The following OSTN variants were observed in gnomAD, a reference collection of about 807,000 sequenced individuals.
The protein encoded by OSTN is osteocrin.
A neutral mutation model predicts 12.0 loss-of-function variants in OSTN; 9 were observed. That is an observed-to-expected ratio of 0.75 (90% CI 0.45 to 1.30). The LOEUF is 1.30. Ranked by LOEUF, OSTN falls within the 50% of genes most tolerant of loss-of-function variation. The probability of loss-of-function intolerance (pLI) is 0.00; values close to 1 mark genes in which losing one functional copy is unlikely to be tolerated. For missense variants in OSTN, 148 were observed against 152.3 expected (o/e 0.97, Z 0.15); for synonymous variants, 59 against 56.9 (o/e 1.04, Z -0.16).
chr3:191,211,517 C>A (rs1162991560), intron 1 of OSTN, among the ~76,000 whole-genome samples: 1 of 152,124 alleles, frequency 6.6e-6, no homozygotes, highest in Non-Finnish European at 1.5e-5. Context: ...TATACACATA[C>A]CTAGAAGTGA....
At chr3:191,202,878 A>G (rs1714182244) in intron 1 of OSTN, among the ~76,000 whole-genome samples, 1 of 152,170 alleles carries the variant, frequency 6.6e-6, no homozygotes, top group Non-Finnish European at 1.5e-5. Context: ...TTATATACTA[A>G]TGTTATTTTC....
intron 2 of OSTN, among the ~76,000 whole-genome samples, chr3:191,217,518 A>C (rs1282708074): frequency 6.6e-6 from 1 of 152,194 alleles, no homozygotes; most frequent in East Asian, 1.9e-4. Context: ...TATTCTCACG[A>C]TCTTAGAAAA....
intron 3 of OSTN, among the ~76,000 whole-genome samples, chr3:191,233,004 C>T (rs898750895): frequency 6.6e-6 from 1 of 152,100 alleles, no homozygotes; most frequent in Admixed American, 6.5e-5. Flanking sequence ...TATATTGCTC[C>T]ATAATCCCAG....
intron 4 of OSTN, among the ~76,000 whole-genome samples, chr3:191,252,071 G>T (rs537245236): frequency 1.9e-4 from 29 of 151,420 alleles, no homozygotes; most frequent in East Asian, 1.9e-4. Flanking sequence ...TTTTTTTTTG[G>T]TTTTTTTGAG....
At chr3:191,204,428 A>C (rs945881309) in intron 1 of OSTN, among the ~76,000 whole-genome samples, 7 of 152,208 alleles carry the variant, frequency 4.6e-5, no homozygotes, top group African/African-American at 1.7e-4. Flanking sequence ...AGCCACTAGC[A>C]ATTTTCAATT....
At chr3:191,203,406 T>C (rs1385398502) in intron 1 of OSTN, among the ~76,000 whole-genome samples, 1 of 152,208 alleles carries the variant, frequency 6.6e-6, no homozygotes, top group African/African-American at 2.4e-5. Context: ...CATTGTAGGT[T>C]TCTGGCTTCT....
chr3:191,251,912 C>T (rs1715569548), intron 4 of OSTN, among the ~76,000 whole-genome samples: 1 of 152,194 alleles, frequency 6.6e-6, no homozygotes, highest in Admixed American at 6.5e-5. Context: ...GTTCTGAGAA[C>T]ATTATGACAG....
At chr3:191,250,015 T>C (rs1366341748) in intron 3 of OSTN, 22 bp from the exon 4 acceptor site, 4 of 1,574,160 alleles carry the variant, frequency 2.5e-6, no homozygotes, top group Non-Finnish European at 1.7e-6. Context: ...AGTTTAAAAA[T>C]GTCCTCCTTG....
At chr3:191,225,922 G>T (rs1051102589) in intron 3 of OSTN, among the ~76,000 whole-genome samples, 1 of 151,886 alleles carries the variant, frequency 6.6e-6, no homozygotes, top group Non-Finnish European at 1.5e-5. Flanking sequence ...CCCCAGCATC[G>T]CCCAATAAAC....
intron 4 of OSTN, among the ~76,000 whole-genome samples, chr3:191,260,282 T>C (rs936683653): frequency 1.3e-4 from 19 of 151,882 alleles, no homozygotes; most frequent in Non-Finnish European, 2.8e-4. Context: ...GGGTTTCCAG[T>C]GGTGTACTTA....
intron 3 of OSTN, among the ~76,000 whole-genome samples, chr3:191,223,756 AG>A (rs1714831647): frequency 1.3e-5 from 2 of 152,118 alleles, no homozygotes; most frequent in Admixed American, 6.5e-5. Flanking sequence ...TATGAAAAAA[AG>A]CACGATAAAA....
chr3:191,226,690 TAGATC>T (rs938542149), intron 3 of OSTN, among the ~76,000 whole-genome samples: 3 of 152,164 alleles, frequency 2.0e-5, no homozygotes, highest in Non-Finnish European at 2.9e-5. Context: ...TGCCCATAGA[TAGATC>T]AGAAGAGAAA....
At chr3:191,237,665 T>C (rs139659153) in intron 3 of OSTN, among the ~76,000 whole-genome samples, 1 of 152,330 alleles carries the variant, frequency 6.6e-6, no homozygotes, top group Non-Finnish European at 1.5e-5. Flanking sequence ...AGCGCATGCT[T>C]GAGCAAACTC....
intron 3 of OSTN, among the ~76,000 whole-genome samples, chr3:191,232,121 A>G (rs1576931816): frequency 6.6e-6 from 1 of 152,080 alleles, no homozygotes; most frequent in East Asian, 1.9e-4. Flanking sequence ...ACCTGAGGTT[A>G]GGAGTTCGTG....
intron 3 of OSTN, among the ~76,000 whole-genome samples, chr3:191,242,613 G>A (rs1481151912): frequency 2.0e-5 from 3 of 151,784 alleles, no homozygotes; most frequent in African/African-American, 7.3e-5. Context: ...CAATCTGATC[G>A]GAACTCCTGG....
chr3:191,201,220 C>T (rs532643897), intron 1 of OSTN, among the ~76,000 whole-genome samples: 5 of 152,194 alleles, frequency 3.3e-5, no homozygotes, highest in African/African-American at 1.2e-4. Context: ...GACCTTAATA[C>T]AAACCATCTC....
At chr3:191,255,400 C>A (rs891033733) in intron 4 of OSTN, among the ~76,000 whole-genome samples, 2 of 152,206 alleles carry the variant, frequency 1.3e-5, no homozygotes, top group Non-Finnish European at 1.5e-5. Context: ...AGGTATCAGG[C>A]AAGTCTTTCC....
At chr3:191,240,792 G>A (rs1264527330) in intron 3 of OSTN, among the ~76,000 whole-genome samples, 1 of 152,236 alleles carries the variant, frequency 6.6e-6, no homozygotes, top group Non-Finnish European at 1.5e-5. Flanking sequence ...TCTTTGCCAT[G>A]TAAACCTCTC....
intron 2 of OSTN, among the ~76,000 whole-genome samples, chr3:191,215,363 T>A (rs1232718065): frequency 6.6e-6 from 1 of 152,096 alleles, no homozygotes; most frequent in African/African-American, 2.4e-5. Context: ...CCATATCATT[T>A]TGCCACTTGC....
Sources: allele counts gnomAD v4.1 joint callset (sites outside exome capture counted in the v4.1 genomes callset), GRCh38; gene constraint gnomAD v4.1.1; transcripts MANE v1.5; gene names NCBI Gene and HGNC (gene_info 2026-07-23, HGNC 2026-07-21).